Variants in GTF3C1 observed in about 807,000 individuals in gnomAD.
The protein encoded by GTF3C1 is general transcription factor 3C polypeptide 1.
In GTF3C1, 57 loss-of-function variants were observed where a neutral mutation model predicts 226.7. That is an observed-to-expected ratio of 0.25 (90% confidence interval 0.20 to 0.31). The LOEUF (loss-of-function observed/expected upper bound fraction) is 0.31. GTF3C1 is among the 10% of genes least tolerant of loss of function. The pLI is 1.00. For missense variants in GTF3C1, 2,217 were observed against 2,776.1 expected (o/e 0.80, Z 4.53); for synonymous variants, 1,090 against 1,084.8 (o/e 1.00, Z -0.09).
rs1443620482 is a variant in GTF3C1, at chr16:27,495,451, G to A, written c.2392C>T (p.Pro798Ser). The stretch of plus-strand genomic sequence containing the variant: ...AACATGTGGACCACCCGCAGGCGAG[G>A]CATTTTGGGCAGAAATCCTAGAGAA... The part of the protein sequence containing the change: ...GRSLGFLPKM[P>S]RLRVVHMFLW... Residue 798 changes from proline to serine, a missense_variant, in exon 15 of 37, where the codon CCT becomes TCT. Pro to Ser is a moderately conservative substitution (Grantham distance 74). Transcript: ENST00000356183. 1.2e-6 allele frequency: 2 copies of A among 1,613,872 alleles called. No individual in the cohort carries two copies. Among genetic ancestry groups the A allele is most frequent in the African/African-American group, 1.3e-5 (1 of 74,940 alleles).
Position 27,464,755 on chromosome 16 carries a change from G to A in GTF3C1, c.5437C>T (p.Leu1813Phe). 1 of 1,578,668 alleles carries A rather than the reference G, an allele frequency of 6.3e-7. No individual in the cohort carries two copies. The highest frequency in any genetic ancestry group is 8.5e-7 in the Non-Finnish European group (1 of 1,173,262). Residue 1813 changes from leucine to phenylalanine, a missense_variant, in exon 34 of 37, where the codon CTC (leucine) becomes TTC (phenylalanine). Leu to Phe is a conservative substitution (Grantham distance 22). This residue lies in a region of GTF3C1 where 455 missense variants were observed against 441.9 expected (regional missense o/e 1.03). Coordinates refer to ENST00000356183, the MANE Select transcript of GTF3C1 (RefSeq NM_001520.4). ...TCTTTCAGCCGCACGGAGTGCAGGA[G>A]CCAAGGCCAGGCAGAGCCCATGGCT... ...LVAMGSAWPW[L>F]LHSVRLKDRE...
chr16:27,471,810 G>T lies in GTF3C1; in HGVS notation c.4464C>A (p.Pro1488=), dbSNP rs749081831. The T allele has an allele frequency of 5.0e-6, 8 of 1,613,940 alleles. No homozygotes were observed. The highest frequency in any genetic ancestry group is 8.5e-7 in the Non-Finnish European group (1 of 1,179,838). The stretch of plus-strand genomic sequence containing the variant: ...CGAAGGGGAGGGCCCGGTTCTTCTT[G>T]GGGCCCAGCGTGTGGTTGACCCGGC... ...NRRRVNHTLG[P]KKNRALPFVP... Residue 1488 remains proline (P), a synonymous_variant, in exon 30 of 37, where the codon CCC becomes CCA. Transcript: ENST00000356183. This position sits in a 1 kb window ranked among gnomAD's most constrained non-coding sequence, Gnocchi z 5.0.
rs765724153 is a variant in GTF3C1 at position 27,471,833 on chromosome 16, G to A, written c.4441C>T (p.Arg1481Trp). ...TTGGGGCCCAGCGTGTGGTTGACCC[G>A]GCGCCGGTTGACCAAGCTCCTCTTC... ...CQKRSLVNRR[R>W]VNHTLGPKKN... Residue 1481 changes from arginine to tryptophan, a missense_variant, in exon 30 of 37, where the codon CGG becomes TGG. This residue lies in a region of GTF3C1 where 546 missense variants were observed against 663.0 expected (regional missense o/e 0.82). Coordinates refer to ENST00000356183, the MANE Select transcript of GTF3C1 (RefSeq NM_001520.4). This position sits in a 1 kb window ranked among gnomAD's most constrained non-coding sequence, Gnocchi z 5.0. 5 of 1,613,998 alleles carry A rather than the reference G, an allele frequency of 3.1e-6. No individual in the cohort carries two copies. The highest frequency in any genetic ancestry group is 1.7e-6 in the Non-Finnish European group (2 of 1,179,890).
intron 6 of GTF3C1, among the ~76,000 whole-genome samples, chr16:27,522,964 C>T (rs2088772926): frequency 6.6e-6 from 1 of 151,804 alleles, no homozygotes; most frequent in African/African-American, 2.4e-5. Context: ...TTTTTAGAGT[C>T]ACAGGGGCAA....
At chr16:27,544,796 T>A (rs2089138634) in intron 2 of GTF3C1, among the ~76,000 whole-genome samples, 3 of 151,980 alleles carry the variant, frequency 2.0e-5, no homozygotes, top group Admixed American at 2.0e-4. Flanking sequence ...TCAAGGACTG[T>A]GAGCACAAAG....
Position 27,483,109 on chromosome 16 carries a change from C to T in GTF3C1, c.4018G>A (p.Val1340Met), listed in dbSNP as rs1390775362. ...CCAACAAGTGCTTTATCCTGGTACA[C>T]CTCGGCCAGGCACACTCTGCAGGAA... ...YLNYKVCLAE[V>M]YQDKALVGDF... is the part of the protein sequence containing the mutation. The change falls in exon 26 of 37, where the codon GTG becomes ATG. Residue 1340 changes from valine to methionine, a missense_variant. By Grantham distance (21) the Val-to-Met change is conservative. Transcript: ENST00000356183. 3 of 1,614,036 alleles carry T rather than the reference C, an allele frequency of 1.9e-6. No homozygotes were observed. The highest frequency in any genetic ancestry group is 1.7e-5 in the Admixed American group (1 of 60,002).
At chr16:27,511,334 C>G (rs539105009) in intron 7 of GTF3C1, among the ~76,000 whole-genome samples, 165 of 152,368 alleles carry the variant, frequency 1.1e-3, no homozygotes, top group African/African-American at 3.9e-3. Flanking sequence ...GTAACTGGGA[C>G]CTGCCCCCAC....
chr16:27,487,919 T>C (rs1596626835), intron 23 of GTF3C1, among the ~76,000 whole-genome samples: 1 of 152,124 alleles, frequency 6.6e-6, no homozygotes. Flanking sequence ...GATGAGGCTG[T>C]TGCTGACATT....
In GTF3C1 at chr16:27,465,492, G is replaced by GT. The variant is rs1555500082; in HGVS notation, c.5122dup (p.Thr1708AsnfsTer28). On this transcript the variant is annotated frameshift_variant, in exon 33 of 37. Coordinates refer to ENST00000356183, the MANE Select transcript of GTF3C1 (RefSeq NM_001520.4). LOFTEE classifies it high-confidence loss of function. ...CTGGGGGTTTATCAGCTTGGTGAAC[G>GT]TATCAGGGAGGCAGGAGGTTCCCAT... 6.2e-7 allele frequency: 1 copy of GT among 1,604,650 alleles called. No homozygotes were observed. The highest frequency in any genetic ancestry group is 8.5e-7 in the Non-Finnish European group (1 of 1,179,208).
chr16:27,488,706 T>G (rs1396279188), intron 21 of GTF3C1, 71 bp from the exon 22 acceptor site: 4 of 1,286,722 alleles, frequency 3.1e-6, no homozygotes, highest in Non-Finnish European at 4.5e-6. Flanking sequence ...GAGTAACAAA[T>G]GCACCGAGGT....
intron 1 of GTF3C1, among the ~76,000 whole-genome samples, chr16:27,549,010 C>T (rs1466078552): frequency 1.3e-5 from 2 of 152,094 alleles, no homozygotes; most frequent in Non-Finnish European, 2.9e-5. Flanking sequence ...AAAAATTAGC[C>T]GGGCGTGGTG....
intron 15 of GTF3C1, 87 bp from the exon 16 acceptor site, chr16:27,494,995 T>G (rs893498084): frequency 1.5e-5 from 18 of 1,216,584 alleles, no homozygotes; most frequent in Non-Finnish European, 2.1e-5. Context: ...CAGGAGGTCT[T>G]GGTGTCTTTA....
intron 12 of GTF3C1, among the ~76,000 whole-genome samples, chr16:27,500,731 A>G (rs989700454): frequency 2.6e-5 from 4 of 152,224 alleles, no homozygotes; most frequent in African/African-American, 9.6e-5. Flanking sequence ...ACAGAAATAG[A>G]TATGTCGAGG....
Position 27,528,592 on chromosome 16 carries a change from C to T in GTF3C1, c.973+6G>A, listed in dbSNP as rs946012001. 3 of 1,610,426 alleles carry T rather than the reference C, an allele frequency of 1.9e-6. No individual in the cohort carries two copies. The South Asian group carries it at 3.3e-5, about 18-fold the overall frequency. ...CAAGGGAACAGAAGCTGAGACTCTG[C>T]ATTACCTTTCTTTGTCTTACAAGGT... is the stretch of plus-strand genomic sequence containing the variant. On this transcript the variant is annotated splice_donor_region_variant and intron_variant, in intron 6 of 36. Transcript: ENST00000356183.
chr16:27,497,635 A>T lies in GTF3C1; in HGVS notation c.2350+2T>A. Reference sequence around the variant, plus strand: ...AAACACAGACAAGAAGCTGCAGCTTACCTACAATGGGGTGATAATTTCTAA... The same window carrying T: ...AAACACAGACAAGAAGCTGCAGCTTTCCTACAATGGGGTGATAATTTCTAA... On this transcript the variant is annotated splice_donor_variant, in intron 14 of 36. Transcript: ENST00000356183. LOFTEE classifies it high-confidence loss of function. 6.2e-7 allele frequency: 1 copy of T among 1,607,648 alleles called. No homozygotes were observed. Among genetic ancestry groups the T allele is most frequent in the Non-Finnish European group, 8.5e-7 (1 of 1,175,038 alleles).
Position 27,549,651 on chromosome 16 carries a change from G to A in GTF3C1, c.221+19C>T, listed in dbSNP as rs1403791499. On this transcript the variant is annotated intron_variant, in intron 1 of 36. Coordinates refer to ENST00000356183, the MANE Select transcript of GTF3C1 (RefSeq NM_001520.4). ...CCTGCGCCCGCCCGCCCGCCCGCCA[G>A]GCCAGGCCGCCCGCTGACCGGTCCT... 16 of 697,644 alleles carry A rather than the reference G, an allele frequency of 2.3e-5. No individual in the cohort carries two copies. The highest frequency in any genetic ancestry group is 6.3e-5 in the South Asian group (4 of 63,070). The allele number at this position is 697,644 out of a possible 1,614,324, so 43.2% of individuals were successfully genotyped here.
In GTF3C1 at chr16:27,493,269, C is replaced by G; in HGVS notation, c.2806G>C (p.Asp936His). 1 of 1,609,904 alleles carries G rather than the reference C, an allele frequency of 6.2e-7. No homozygotes were observed. Among genetic ancestry groups the G allele is most frequent in the Non-Finnish European group, 8.5e-7 (1 of 1,176,168 alleles). The change falls in exon 17 of 37, where the codon GAC becomes CAC. Residue 936 changes from aspartate (D) to histidine (H), a missense_variant. By Grantham distance (81) the Asp-to-His change is moderately conservative. Transcript: ENST00000356183. ...KVDNLEEFLN[D>H]PLKKHTLIRF... Reference sequence around the variant, plus strand: ...ATCAGCGTGTGCTTCTTCAGCGGGTCGTTCAGAAATTCCTCCAGGTTGTCC... The same window carrying G: ...ATCAGCGTGTGCTTCTTCAGCGGGTGGTTCAGAAATTCCTCCAGGTTGTCC...
intron 6 of GTF3C1, among the ~76,000 whole-genome samples, chr16:27,519,152 T>A (rs2141423667): frequency 6.7e-6 from 1 of 149,914 alleles, no homozygotes; most frequent in Non-Finnish European, 1.5e-5. Flanking sequence ...CTAAGAATTG[T>A]CTGATAAGGC....
intron 6 of GTF3C1, among the ~76,000 whole-genome samples, chr16:27,513,913 A>C (rs1355791798): frequency 6.6e-6 from 1 of 152,146 alleles, no homozygotes; most frequent in East Asian, 1.9e-4. Context: ...CATCCCCAAC[A>C]GCACAGAAGA....
Sources: allele counts gnomAD v4.1 joint callset (sites outside exome capture counted in the v4.1 genomes callset), GRCh38; gene constraint gnomAD v4.1.1; regional missense constraint gnomAD v4.1.1; non-coding constraint Gnocchi (gnomAD v3.1); transcripts MANE v1.5; gene names NCBI Gene and HGNC (gene_info 2026-07-23, HGNC 2026-07-21).